TRPC3: variants seen among roughly 807,000 people sequenced by gnomAD.
TRPC3 encodes the protein transient receptor potential cation channel subfamily C member 3.
In TRPC3, 54 loss-of-function variants were observed where a neutral mutation model predicts 90.9. The ratio of observed to expected loss-of-function variants is 0.59; its 90% CI spans 0.48 to 0.75. The LOEUF is 0.75. Among genes scored for constraint, TRPC3 ranks in the 30% least tolerant of loss-of-function variants. The probability of loss-of-function intolerance (pLI) is 0.00; values close to 1 mark genes in which losing one functional copy is unlikely to be tolerated. For missense variants in TRPC3, 918 were observed against 1,194.5 expected, an observed-to-expected ratio of 0.77 and a Z score of 3.41; for synonymous variants, 424 against 450.9, an observed-to-expected ratio of 0.94 and a Z score of 0.75.
At position 121,951,329 on chromosome 4, in the gene TRPC3, C is replaced by T. The variant is rs1730737047; in HGVS notation, c.215+137G>A. The T allele has an allele frequency of 7.6e-6, 4 of 527,518 alleles. No individual in the cohort carries two copies. In the South Asian group the frequency reaches 3.6e-4, roughly 47 times the overall value. 32.7% of individuals were successfully genotyped at this position (527,518 alleles called of 1,614,324 possible). A position where few individuals can be genotyped will look rare whatever the true frequency, so the allele number is the denominator to read the frequency against. On this transcript the variant is annotated intron_variant, in intron 1 of 11. Transcript: ENST00000379645. This position sits in a 1 kb window ranked among gnomAD's most constrained non-coding sequence, Gnocchi z 4.4. ...GAGGTCTGTCCCCTCCAAATCACTCCAAATCGAACTGCCTGGCCGTACCAT... is the reference window on the plus strand; with the variant it reads ...GAGGTCTGTCCCCTCCAAATCACTCTAAATCGAACTGCCTGGCCGTACCAT...
At chr4:121,912,835 T>C (rs190173609) in intron 4 of TRPC3, among the ~76,000 whole-genome samples, 309 of 152,366 alleles carry the variant, frequency 2.0e-3, no homozygotes, top group African/African-American at 7.0e-3. Flanking sequence ...TATGATATAA[T>C]GTCCTTAAAA....
intron 1 of TRPC3, among the ~76,000 whole-genome samples, chr4:121,938,104 G>A (rs1287918508): frequency 2.6e-5 from 4 of 151,504 alleles, no homozygotes; most frequent in Admixed American, 2.6e-4. Context: ...GTACAGTCAT[G>A]TTTTATTTAT....
At chr4:121,938,197 C>T (rs1470914044) in intron 1 of TRPC3, among the ~76,000 whole-genome samples, 2 of 152,132 alleles carry the variant, frequency 1.3e-5, no homozygotes, top group Non-Finnish European at 2.9e-5. Flanking sequence ...TAAATCTCTT[C>T]CTAGATCCCA....
intron 3 of TRPC3, among the ~76,000 whole-genome samples, chr4:121,919,467 G>A (rs1489852968): frequency 6.6e-6 from 1 of 152,196 alleles, no homozygotes. Flanking sequence ...ATATTGCACA[G>A]GTTTTCTGGA....
At chr4:121,933,162 G>A in intron 1 of TRPC3, 120 bp from the exon 2 acceptor site, 1 of 1,396,092 alleles carries the variant, frequency 7.2e-7, no homozygotes, top group African/African-American at 1.5e-5. Context: ...GCAGGGGTCG[G>A]CTCAGTTGCT....
At chr4:121,914,320 C>T (rs1729219853) in intron 4 of TRPC3, among the ~76,000 whole-genome samples, 1 of 152,270 alleles carries the variant, frequency 6.6e-6, no homozygotes, top group South Asian at 2.1e-4. Context: ...CTCAACTGTG[C>T]TTCGCACACT....
intron 1 of TRPC3, among the ~76,000 whole-genome samples, chr4:121,946,905 T>A (rs2149156601): frequency 6.6e-6 from 1 of 152,170 alleles, no homozygotes; most frequent in East Asian, 1.9e-4. Context: ...CAAGGCTGGG[T>A]GGTGCAGTGG....
chr4:121,903,239 A>G (rs1728764914), intron 8 of TRPC3, among the ~76,000 whole-genome samples, 178 bp from the exon 9 acceptor site: 1 of 152,110 alleles, frequency 6.6e-6, no homozygotes. Flanking sequence ...AATATAAGAT[A>G]CTCATTCTTT....
At chr4:121,915,248 A>C (rs2149128389) in intron 3 of TRPC3, among the ~76,000 whole-genome samples, 1 of 152,316 alleles carries the variant, frequency 6.6e-6, no homozygotes, top group African/African-American at 2.4e-5. Context: ...AATCTGGGTG[A>C]CATCTGGCTT....
At chr4:121,945,187 T>C (rs1461037698) in intron 1 of TRPC3, among the ~76,000 whole-genome samples, 1 of 152,240 alleles carries the variant, frequency 6.6e-6, no homozygotes, top group Non-Finnish European at 1.5e-5. Flanking sequence ...CAGTTACGAG[T>C]AAGAATGTTC....
chr4:121,935,405 G>A (rs1730094824), intron 1 of TRPC3, among the ~76,000 whole-genome samples: 1 of 143,910 alleles, frequency 6.9e-6, no homozygotes, highest in Non-Finnish European at 1.5e-5. Flanking sequence ...GTCTGAGTTG[G>A]GGGACATGTG....
At chr4:121,899,507 G>T in intron 10 of TRPC3, 105 bp downstream of exon 10, 1 of 880,074 alleles carries the variant, frequency 1.1e-6, no homozygotes, top group Non-Finnish European at 1.8e-6. Context: ...TGGTATAATG[G>T]TATATCTCAA....
intron 3 of TRPC3, among the ~76,000 whole-genome samples, chr4:121,921,251 G>A (rs1043123867): frequency 5.9e-5 from 9 of 151,976 alleles, no homozygotes; most frequent in Non-Finnish European, 1.2e-4. Context: ...GGCCGGGCGC[G>A]GTGGCTCACG....
At chr4:121,949,694 T>C (rs1265415268) in intron 1 of TRPC3, among the ~76,000 whole-genome samples, 1 of 152,218 alleles carries the variant, frequency 6.6e-6, no homozygotes, top group African/African-American at 2.4e-5. Context: ...TATATCTCCT[T>C]AAAAATGACT....
At chr4:121,950,009 G>A (rs934545378) in intron 1 of TRPC3, among the ~76,000 whole-genome samples, 10 of 152,300 alleles carry the variant, frequency 6.6e-5, no homozygotes, top group African/African-American at 1.7e-4. Flanking sequence ...AACCAATTTG[G>A]CAAAAGGAAA....
intron 10 of TRPC3, among the ~76,000 whole-genome samples, chr4:121,885,112 A>G (rs536678815): frequency 1.3e-5 from 2 of 152,342 alleles, no homozygotes; most frequent in Non-Finnish European, 2.9e-5. Context: ...GCACAAGGCA[A>G]GAAGGTACCT....
chr4:121,917,859 C>T (rs543237914), intron 3 of TRPC3, among the ~76,000 whole-genome samples: 1 of 152,256 alleles, frequency 6.6e-6, no homozygotes, highest in African/African-American at 2.4e-5. Flanking sequence ...CTTAGGAAAT[C>T]AACAATGTAG....
At chr4:121,893,779 C>T (rs896917205) in intron 10 of TRPC3, among the ~76,000 whole-genome samples, 2 of 152,090 alleles carry the variant, frequency 1.3e-5, no homozygotes, top group African/African-American at 4.8e-5. Flanking sequence ...AAGAATTCCT[C>T]TTCATTGATA....
intron 1 of TRPC3, among the ~76,000 whole-genome samples, chr4:121,938,529 A>T (rs1449825568): frequency 6.6e-6 from 1 of 152,226 alleles, no homozygotes; most frequent in Non-Finnish European, 1.5e-5. Context: ...GATGGCATGA[A>T]GGAAGGCAAC....
Sources: gnomAD v4.1 joint callset for allele counts (sites outside exome capture counted in the v4.1 genomes callset) on GRCh38, gnomAD v4.1.1 for gene constraint, Gnocchi (gnomAD v3.1) non-coding constraint, MANE v1.5 for transcripts, NCBI Gene and HGNC (gene_info 2026-07-23, HGNC 2026-07-21) for gene names.